The following AKAP17A variants were observed in gnomAD, a reference collection of about 807,000 sequenced individuals.
AKAP17A encodes A-kinase anchor protein 17A.
A neutral mutation model predicts 52.2 loss-of-function variants in AKAP17A; 15 were observed. The ratio of observed to expected loss-of-function variants is 0.29; its 90% CI spans 0.19 to 0.44. AKAP17A has a LOEUF of 0.44. Among genes scored for constraint, AKAP17A ranks in the 20% least tolerant of loss-of-function variants. The pLI is 1.00. For missense variants in AKAP17A, 1,060 were observed against 1,007.0 expected (o/e 1.05, Z -0.71); for synonymous variants, 514 against 424.7 (o/e 1.21, Z -2.58).
chrX:1,596,244 CAAAA>C (rs1316569386), intron 3 of AKAP17A, among the ~76,000 whole-genome samples: 2 of 129,230 alleles, frequency 1.5e-5, no homozygotes, highest in Non-Finnish European at 1.7e-5. Context: ...AAAAAAAAAA[CAAAA>C]AACCAATGAT....
chrX:1,594,163 T>A lies in AKAP17A; in HGVS notation c.701T>A (p.Leu234Gln). The change falls in exon 2 of 5, where the codon CTG becomes CAG. Residue 234 changes from leucine (L) to glutamine (Q), a missense_variant. By Grantham distance (113) the Leu-to-Gln change is moderately radical. Transcript: ENST00000313871. The part of the protein sequence containing the change: ...YMGFIQAMSA[L>Q]RGMKLMYKGE... ...GGCTTCATCCAGGCCATGAGCGCCC[T>A]GCGCGGGATGAAACTCATGTACAAG... is the stretch of plus-strand genomic sequence containing the variant. The A allele has an allele frequency of 6.3e-7, 1 of 1,599,200 alleles. No individual in the cohort carries two copies. The highest frequency in any genetic ancestry group is 8.5e-7 in the Non-Finnish European group (1 of 1,171,102).
chrX:1,601,994 T>G lies in AKAP17A; in HGVS notation c.*400T>G. ...GGCCTAGGAGGTGCACGGGCCACCA[T>G]AGTCACACTGGCACTGAAAAGAAAG... is the stretch of plus-strand genomic sequence containing the variant. On this transcript the variant is annotated 3_prime_UTR_variant, in exon 5 of 5. Coordinates refer to ENST00000313871, the MANE Select transcript of AKAP17A (RefSeq NM_005088.3). The G allele has an allele frequency of 5.1e-6, 1 of 194,292 alleles. No individual in the cohort carries two copies. Among genetic ancestry groups the G allele is most frequent in the Middle Eastern group, 1.9e-3 (1 of 532 alleles). The allele number at this position is 194,292 out of a possible 1,614,324, so 12.0% of individuals were successfully genotyped here. A position where few individuals can be genotyped will look rare whatever the true frequency, so the allele number is the denominator to read the frequency against.
chrX:1,595,328 C>G, intron 2 of AKAP17A, 56 bp from the exon 3 acceptor site: 1 of 1,607,924 alleles, frequency 6.2e-7, no homozygotes, highest in Admixed American at 1.7e-5. Flanking sequence ...GGCGCCTGGC[C>G]GTGTGTCTGG....
In AKAP17A at chrX:1,601,750, C is replaced by G; in HGVS notation, c.*156C>G. ...GAGCCCGCCGGCAGGAAGGAAGACA[C>G]CATGCTTTAGAGATCCATCTTTCTC... On this transcript the variant is annotated 3_prime_UTR_variant, in exon 5 of 5. Coordinates refer to ENST00000313871, the MANE Select transcript of AKAP17A (RefSeq NM_005088.3). 2 of 620,968 alleles carry G rather than the reference C, an allele frequency of 3.2e-6. No individual in the cohort carries two copies. The highest frequency in any genetic ancestry group is 4.9e-6 in the Non-Finnish European group (2 of 407,978). The allele number at this position is 620,968 out of a possible 1,614,324, so 38.5% of individuals were successfully genotyped here.
At position 1,601,069 on chromosome X, in the gene AKAP17A, A is replaced by T; in HGVS notation, c.1563A>T (p.Pro521=). ...ACGGGAGCGTGGCCGAGGAGGCCCC[A>T]TGCAAGGAGGTTCAGAGCTCCTGTC... ...SVNGSVAEEA[P]CKEVQSSCRV... Residue 521 remains proline (P), a synonymous_variant, in exon 5 of 5, where the codon CCA becomes CCT. Coordinates refer to ENST00000313871, the MANE Select transcript of AKAP17A (RefSeq NM_005088.3). 1 of 1,613,510 alleles carries T rather than the reference A, an allele frequency of 6.2e-7. No individual in the cohort carries two copies. Among genetic ancestry groups the T allele is most frequent in the Non-Finnish European group, 8.5e-7 (1 of 1,179,718 alleles).
intron 4 of AKAP17A, chrX:1,600,098 C>G (rs1223925018): frequency 8.0e-7 from 1 of 1,245,598 alleles, no homozygotes; most frequent in African/African-American, 1.5e-5. Context: ...CCCCTGGAGT[C>G]CAACGCGGGG....
chrX:1,593,311 G>T (rs191451727), intron 1 of AKAP17A, 133 bp from the exon 2 acceptor site: 3 of 869,858 alleles, frequency 3.4e-6, no homozygotes, highest in East Asian at 4.9e-5. Flanking sequence ...AGTGGAAACC[G>T]GTCTCTGACA....
intron 4 of AKAP17A, chrX:1,600,404 G>A (rs1161167854): frequency 2.7e-5 from 17 of 624,696 alleles, no homozygotes; most frequent in South Asian, 7.9e-5. Context: ...GGGCTGCGCC[G>A]AGCCGCTTTG....
chrX:1,599,467 G>T (rs58902273), intron 4 of AKAP17A, 35 bp downstream of exon 4: 218 of 1,551,816 alleles, frequency 1.4e-4, no homozygotes, highest in Non-Finnish European at 1.8e-4. Context: ...CGCCAGCCGC[G>T]CCCGGGCTGC....
At position 1,599,343 on chromosome X, in the gene AKAP17A, A is replaced by G; in HGVS notation, c.1063A>G (p.Lys355Glu). 1 of 1,601,120 alleles carries G rather than the reference A, an allele frequency of 6.2e-7. No homozygotes were observed. ...GGAGGAGCAGAAGCAGCTGCAGGAGAAGATCAAGCTGGAGGAGCGCAAGCT... is the reference window on the plus strand; with the variant it reads ...GGAGGAGCAGAAGCAGCTGCAGGAGGAGATCAAGCTGGAGGAGCGCAAGCT... ...QAEEQKQLQE[K>E]IKLEERKLLL... is the part of the protein sequence containing the mutation. Residue 355 changes from lysine to glutamate, a missense_variant, in exon 4 of 5, where the codon AAG becomes GAG. Lys to Glu is a moderately conservative substitution (Grantham distance 56). Coordinates refer to ENST00000313871, the MANE Select transcript of AKAP17A (RefSeq NM_005088.3).
chrX:1,598,116 G>C (rs1482071237), intron 3 of AKAP17A, among the ~76,000 whole-genome samples: 5 of 152,212 alleles, frequency 3.3e-5, no homozygotes, highest in African/African-American at 1.2e-4. Flanking sequence ...CCAGCCTCGA[G>C]GCGTCGCTGT....
At chrX:1,592,190 G>T (rs1209302249) in intron 1 of AKAP17A, among the ~76,000 whole-genome samples, 2 of 151,820 alleles carry the variant, frequency 1.3e-5, no homozygotes, top group African/African-American at 2.4e-5. Flanking sequence ...GTTTTCGGAG[G>T]CTGGGGCGGT....
At chrX:1,599,496 A>C in intron 4 of AKAP17A, 64 bp downstream of exon 4, 1 of 1,550,170 alleles carries the variant, frequency 6.5e-7, no homozygotes, top group Non-Finnish European at 8.7e-7. Flanking sequence ...CCCTCCCCTG[A>C]AATGCGGGCG....
At chrX:1,598,777 C>T (rs1933170208) in intron 3 of AKAP17A, among the ~76,000 whole-genome samples, 1 of 152,184 alleles carries the variant, frequency 6.6e-6, no homozygotes, top group African/African-American at 2.4e-5. Flanking sequence ...CAAGGAGTCA[C>T]CCAGCGCGGT....
In AKAP17A at chrX:1,593,952, T is replaced by C; in HGVS notation, c.490T>C (p.Ser164Pro). 6.2e-7 allele frequency: 1 copy of C among 1,605,174 alleles called. No individual in the cohort carries two copies. The highest frequency in any genetic ancestry group is 8.5e-7 in the Non-Finnish European group (1 of 1,174,958). Residue 164 changes from serine (S) to proline (P), a missense_variant, in exon 2 of 5, where the codon TCG becomes CCG. Physicochemically the swap from Ser to Pro is moderately conservative, Grantham distance 74. Coordinates refer to ENST00000313871, the MANE Select transcript of AKAP17A (RefSeq NM_005088.3). ...LPCKWFALKE[S>P]GSEKPSEDVL... ...CTGCAAGTGGTTCGCCCTGAAGGAGTCGGGCTCCGAGAAGCCCAGCGAGGA... is the reference window on the plus strand; with the variant it reads ...CTGCAAGTGGTTCGCCCTGAAGGAGCCGGGCTCCGAGAAGCCCAGCGAGGA...
At chrX:1,599,471 G>C (rs1294187165) in intron 4 of AKAP17A, 39 bp downstream of exon 4, 1 of 1,552,058 alleles carries the variant, frequency 6.4e-7, no homozygotes. Context: ...AGCCGCGCCC[G>C]GGCTGCCCTC....
At position 1,595,561 on chromosome X, in the gene AKAP17A, G is replaced by A. The variant is rs373666054; in HGVS notation, c.911+29G>A. 71 of 1,612,468 alleles carry A rather than the reference G, an allele frequency of 4.4e-5. No homozygotes were observed. The African/African-American group carries it at 6.3e-4, about 14-fold the overall frequency. On this transcript the variant is annotated intron_variant, in intron 3 of 4. Coordinates refer to ENST00000313871, the MANE Select transcript of AKAP17A (RefSeq NM_005088.3). ...CCTTCTGCGGGAGCGGGCCCTCGGC[G>A]CTGGTGTCCGGCACCTGGGAGTGTG... is the stretch of plus-strand genomic sequence containing the variant.
At chrX:1,592,558 G>T (rs1603459976) in intron 1 of AKAP17A, among the ~76,000 whole-genome samples, 1 of 152,140 alleles carries the variant, frequency 6.6e-6, no homozygotes, top group East Asian at 1.9e-4. Context: ...TTTTCTGGTC[G>T]CTTCTCCACC....
At chrX:1,592,883 C>G (rs529586322) in intron 1 of AKAP17A, among the ~76,000 whole-genome samples, 4 of 152,256 alleles carry the variant, frequency 2.6e-5, no homozygotes, top group African/African-American at 9.6e-5. Context: ...AGCTGGGATA[C>G]GTTTGGCCTT....
Sources: gnomAD v4.1 joint callset for allele counts (sites outside exome capture counted in the v4.1 genomes callset) on GRCh38, gnomAD v4.1.1 for gene constraint, MANE v1.5 for transcripts, NCBI Gene and HGNC (gene_info 2026-07-23, HGNC 2026-07-21) for gene names.